IL1RL1: variants seen among roughly 807,000 people sequenced by gnomAD.
IL1RL1 encodes the protein interleukin 1 receptor like 1, also known as interleukin-1 receptor-like 1.
A neutral mutation model predicts 50.9 loss-of-function variants in IL1RL1; 32 were observed. That is an observed-to-expected ratio of 0.63 (90% CI 0.47 to 0.84). IL1RL1 has a LOEUF of 0.84. Ranked by LOEUF, IL1RL1 falls within the 40% of genes least tolerant of loss-of-function variation. The pLI, the probability that IL1RL1 is intolerant of heterozygous loss-of-function variation, is 0.00. For missense variants in IL1RL1, 773 were observed against 662.9 expected (o/e 1.17, Z -1.82); for synonymous variants, 275 against 236.0 (o/e 1.17, Z -1.51).
chr2:102,345,529 GGA>G, intron 8 of IL1RL1: 1 of 985,434 alleles, frequency 1.0e-6, no homozygotes, highest in Non-Finnish European at 1.2e-6. Flanking sequence ...GGTATGGTTA[GGA>G]TTCATCCAGA....
At chr2:102,341,693 T>C (rs1466522683) in intron 5 of IL1RL1, among the ~76,000 whole-genome samples, 1 of 152,084 alleles carries the variant, frequency 6.6e-6, no homozygotes, top group South Asian at 2.1e-4. Context: ...TAAATGAGCA[T>C]GAAGGGATGG....
chr2:102,345,101 T>C, intron 8 of IL1RL1: 1 of 871,962 alleles, frequency 1.1e-6, no homozygotes, highest in Non-Finnish European at 1.4e-6. Flanking sequence ...AGGGGATATG[T>C]TTTCTACAGA....
chr2:102,340,687 T>A lies in IL1RL1; in HGVS notation c.469T>A (p.Ser157Thr), dbSNP rs1677519948. Residue 157 changes from serine to threonine, a missense_variant, in exon 5 of 11, where the codon TCA becomes ACA. Physicochemically the swap from Ser to Thr is moderately conservative, Grantham distance 58. Coordinates refer to ENST00000233954, the MANE Select transcript of IL1RL1 (RefSeq NM_016232.5). ...TCAGAATTGTCAGGCTCTTCAAGGA[T>A]CAAGGTACAGGGCGCACAAGTCATT... The part of the protein sequence containing the change: ...WFKNCQALQG[S>T]RYRAHKSFLV... 1 of 1,594,056 alleles carries A rather than the reference T, an allele frequency of 6.3e-7. No homozygotes were observed. The highest frequency in any genetic ancestry group is 1.1e-5 in the South Asian group (1 of 87,212).
intron 1 of IL1RL1, among the ~76,000 whole-genome samples, chr2:102,324,460 T>A (rs891847902): frequency 3.3e-5 from 5 of 152,210 alleles, no homozygotes; most frequent in African/African-American, 1.2e-4. Context: ...CATTTCCAAC[T>A]GAGGTACTGG....
At chr2:102,324,926 C>T (rs1054054353) in intron 1 of IL1RL1, among the ~76,000 whole-genome samples, 1 of 152,196 alleles carries the variant, frequency 6.6e-6, no homozygotes, top group Non-Finnish European at 1.5e-5. Flanking sequence ...CCTCTGGGGG[C>T]AGGGCATAGC....
At chr2:102,320,879 C>G (rs1676817952) in intron 1 of IL1RL1, among the ~76,000 whole-genome samples, 1 of 152,202 alleles carries the variant, frequency 6.6e-6, no homozygotes, top group South Asian at 2.1e-4. Context: ...GTGTTTAATA[C>G]CTACGTCAAG....
At chr2:102,340,891 T>C in intron 5 of IL1RL1, 63 bp downstream of exon 5, 1 of 1,335,442 alleles carries the variant, frequency 7.5e-7, no homozygotes, top group Non-Finnish European at 1.0e-6. Context: ...GGAACAGCGG[T>C]GCCCTTCTGG....
At chr2:102,323,313 A>C (rs559720465) in intron 1 of IL1RL1, among the ~76,000 whole-genome samples, 1 of 148,386 alleles carries the variant, frequency 6.7e-6, no homozygotes, top group South Asian at 2.1e-4. Flanking sequence ...TATGGTGTAT[A>C]TAATTTATAT....
chr2:102,334,311 G>A (rs1313818289), intron 1 of IL1RL1, among the ~76,000 whole-genome samples: 1 of 152,040 alleles, frequency 6.6e-6, no homozygotes, highest in East Asian at 1.9e-4. Flanking sequence ...GGGAGGATTG[G>A]GTGAAGCAAG....
intron 1 of IL1RL1, among the ~76,000 whole-genome samples, chr2:102,324,986 C>A (rs1676949920): frequency 6.6e-6 from 1 of 152,194 alleles, no homozygotes; most frequent in Non-Finnish European, 1.5e-5. Context: ...ACCTGTCTGA[C>A]AGCTTTGAAG....
chr2:102,347,037 T>C (rs757587981), intron 8 of IL1RL1, among the ~76,000 whole-genome samples: 60 of 152,320 alleles, frequency 3.9e-4, no homozygotes, highest in Non-Finnish European at 5.9e-4. Flanking sequence ...GGGCTATGAG[T>C]AGGACCTAGA....
At chr2:102,319,699 T>A (rs72823641) in intron 1 of IL1RL1, among the ~76,000 whole-genome samples, 16,045 of 152,256 alleles carry the variant, frequency 0.11, 1,058 homozygotes, top group Non-Finnish European at 0.14. Flanking sequence ...CTCTTTTCTT[T>A]TTTTTGTGAC....
chr2:102,340,699 G>A lies in IL1RL1; in HGVS notation c.481G>A (p.Ala161Thr). Reference protein sequence around the residue: ...CQALQGSRYRAHKSFLVIDNV... With the variant: ...CQALQGSRYRTHKSFLVIDNV... Reference sequence around the variant, plus strand: ...GGCTCTTCAAGGATCAAGGTACAGGGCGCACAAGTCATTTTTGGTCATTGA... The same window carrying A: ...GGCTCTTCAAGGATCAAGGTACAGGACGCACAAGTCATTTTTGGTCATTGA... The change falls in exon 5 of 11, where the codon GCG (alanine) becomes ACG (threonine). Residue 161 changes from alanine to threonine, a missense_variant. Ala to Thr is a moderately conservative substitution (Grantham distance 58). Coordinates refer to ENST00000233954, the MANE Select transcript of IL1RL1 (RefSeq NM_016232.5). 1 of 1,600,034 alleles carries A rather than the reference G, an allele frequency of 6.2e-7. No homozygotes were observed.
At chr2:102,311,859 T>TATATAA (rs1470131200) in intron 1 of IL1RL1, among the ~76,000 whole-genome samples, 1 of 45,542 alleles carries the variant, frequency 2.2e-5, no homozygotes, top group Non-Finnish European at 4.4e-5. Flanking sequence ...TATAATATAA[T>TATATAA]TATATAATAT....
At chr2:102,314,849 C>T (rs1318099825) in intron 1 of IL1RL1, among the ~76,000 whole-genome samples, 2 of 152,166 alleles carry the variant, frequency 1.3e-5, no homozygotes, top group Non-Finnish European at 2.9e-5. Context: ...TAGGATAGTT[C>T]CTGGGCTCCA....
intron 6 of IL1RL1, 62 bp downstream of exon 6, chr2:102,342,356 G>C (rs554266937): frequency 2.0e-5 from 23 of 1,170,588 alleles, no homozygotes; most frequent in Non-Finnish European, 2.8e-5. Context: ...TATGACCCCT[G>C]TTCTGAATTC....
chr2:102,341,304 C>T (rs1443724709), intron 5 of IL1RL1: 22 of 1,242,678 alleles, frequency 1.8e-5, no homozygotes, highest in African/African-American at 8.0e-5. Flanking sequence ...TAAATGTTGT[C>T]GAGTGGTTTT....
chr2:102,317,571 AT>A (rs1213873663), intron 1 of IL1RL1, among the ~76,000 whole-genome samples: 1 of 152,050 alleles, frequency 6.6e-6, no homozygotes, highest in African/African-American at 2.4e-5. Flanking sequence ...AATTTGTGAT[AT>A]TTTTTTCACG....
intron 1 of IL1RL1, among the ~76,000 whole-genome samples, chr2:102,311,827 TA>T (rs1396096605): frequency 1.6e-4 from 15 of 95,694 alleles, no homozygotes; most frequent in Non-Finnish European, 2.5e-4. Flanking sequence ...AATTATATAA[TA>T]TATATTATAT....
Sources: gnomAD v4.1 joint callset for allele counts (sites outside exome capture counted in the v4.1 genomes callset) on GRCh38, gnomAD v4.1.1 for gene constraint, MANE v1.5 for transcripts, NCBI Gene and HGNC (gene_info 2026-07-23, HGNC 2026-07-21) for gene names.